PCNX2: variants seen among roughly 807,000 people sequenced by gnomAD.
The protein encoded by PCNX2 is pecanex-like protein 2.
Under a neutral mutation model 223.8 loss-of-function variants are expected in PCNX2, and 168 were observed. The ratio of observed to expected loss-of-function variants is 0.75; its 90% confidence interval spans 0.66 to 0.85. The LOEUF is 0.85. PCNX2 is among the 40% of genes least tolerant of loss of function. The pLI is 0.00. For missense variants in PCNX2, 2,507 were observed against 2,675.5 expected (o/e 0.94, Z 1.39); for synonymous variants, 1,006 against 1,052.6 (o/e 0.96, Z 0.86).
At chr1:233,171,763 A>G (rs966049778) in intron 17 of PCNX2, among the ~76,000 whole-genome samples, 11 of 152,176 alleles carry the variant, frequency 7.2e-5, no homozygotes, top group African/African-American at 2.7e-4. Flanking sequence ...TTATCTCATC[A>G]AATATTGATT....
chr1:233,254,906 T>C (rs570635712), intron 5 of PCNX2, among the ~76,000 whole-genome samples: 3 of 152,338 alleles, frequency 2.0e-5, no homozygotes, highest in South Asian at 4.1e-4. Context: ...TTCCATATTA[T>C]AGACAATTTT....
intron 15 of PCNX2, among the ~76,000 whole-genome samples, chr1:233,194,451 A>G (rs1389546989): frequency 2.0e-5 from 3 of 152,184 alleles, no homozygotes; most frequent in Non-Finnish European, 4.4e-5. Flanking sequence ...ACACAAAGAA[A>G]TGTACATTGC....
At chr1:233,289,741 T>G (rs1250465007) in intron 1 of PCNX2, among the ~76,000 whole-genome samples, 1 of 152,250 alleles carries the variant, frequency 6.6e-6, no homozygotes, top group Non-Finnish European at 1.5e-5. Flanking sequence ...AGAAAGCCTT[T>G]CTTTTGAGGA....
At chr1:233,219,821 T>C (rs1436443442) in intron 10 of PCNX2, among the ~76,000 whole-genome samples, 1 of 152,086 alleles carries the variant, frequency 6.6e-6, no homozygotes, top group Non-Finnish European at 1.5e-5. Context: ...ATAGTTTACA[T>C]CCGAGTTCAC....
At chr1:233,236,726 G>A (rs1415594632) in intron 9 of PCNX2, 119 bp downstream of exon 9, 16 of 1,421,980 alleles carry the variant, frequency 1.1e-5, no homozygotes, top group Middle Eastern at 2.6e-4. Context: ...TCAACAACCC[G>A]TGATGCAAAA....
At chr1:233,247,834 C>T (rs1407465549) in intron 8 of PCNX2, among the ~76,000 whole-genome samples, 1 of 140,794 alleles carries the variant, frequency 7.1e-6, no homozygotes, top group Non-Finnish European at 1.5e-5. Context: ...GCCAAGATTG[C>T]ATCACTGTAC....
chr1:233,059,917 AT>A (rs1429828256), intron 23 of PCNX2, among the ~76,000 whole-genome samples: 9 of 152,238 alleles, frequency 5.9e-5, no homozygotes, highest in Non-Finnish European at 8.8e-5. Flanking sequence ...ATAAAAACAG[AT>A]AAAAAGATAT....
the PCNX2 span, among the ~76,000 whole-genome samples, chr1:233,326,548 G>A: frequency 5.9e-5 from 9 of 152,124 alleles, no homozygotes; most frequent in Admixed American, 4.6e-4. Context: ...CTGAGTCATA[G>A]AGAAATAAAG....
chr1:233,149,458 G>A (rs1337786275), intron 19 of PCNX2, among the ~76,000 whole-genome samples: 1 of 141,746 alleles, frequency 7.1e-6, no homozygotes, highest in African/African-American at 3.2e-5. Flanking sequence ...ATGCATTTCA[G>A]TGGGGGTGAG....
chr1:233,198,585 G>T (rs559268820), intron 15 of PCNX2, among the ~76,000 whole-genome samples: 2 of 152,258 alleles, frequency 1.3e-5, no homozygotes, highest in South Asian at 4.1e-4. Flanking sequence ...TTAAGCAATT[G>T]TATTCCTTTA....
chr1:233,123,596 ATCT>A (rs1675932082), intron 21 of PCNX2, among the ~76,000 whole-genome samples: 1 of 147,684 alleles, frequency 6.8e-6, no homozygotes, highest in African/African-American at 2.5e-5. Flanking sequence ...AAAAAAAAAA[ATCT>A]TCTTGTAATA....
At chr1:233,110,173 A>G (rs971195595) in intron 21 of PCNX2, among the ~76,000 whole-genome samples, 2 of 152,206 alleles carry the variant, frequency 1.3e-5, no homozygotes, top group Non-Finnish European at 2.9e-5. Flanking sequence ...TAAATAAACA[A>G]ACAACAAAAA....
At chr1:233,243,367 A>G (rs1658898070) in intron 8 of PCNX2, among the ~76,000 whole-genome samples, 1 of 152,324 alleles carries the variant, frequency 6.6e-6, no homozygotes, top group Non-Finnish European at 1.5e-5. Flanking sequence ...CTTTTCCAAT[A>G]TATCTTCCAT....
intron 1 of PCNX2, among the ~76,000 whole-genome samples, chr1:233,283,746 A>C (rs910088110): frequency 2.0e-5 from 3 of 152,216 alleles, no homozygotes; most frequent in African/African-American, 2.4e-5. Context: ...GGTAGGAAGA[A>C]AATTAGAAAA....
chr1:233,089,135 G>A (rs1673747183), intron 23 of PCNX2, among the ~76,000 whole-genome samples: 1 of 152,158 alleles, frequency 6.6e-6, no homozygotes, highest in Non-Finnish European at 1.5e-5. Context: ...TGACCTCTGT[G>A]AGACATAAAA....
In PCNX2 at chr1:233,014,169, G is replaced by A. The variant is rs141410372; in HGVS notation, c.4952+496C>T. Among the ~76,000 whole-genome samples, 241 of 152,294 alleles carry A rather than the reference G, an allele frequency of 1.6e-3. 1 individual carries two copies. The highest frequency in any genetic ancestry group is 5.5e-3 in the African/African-American group (229 of 41,558). The stretch of plus-strand genomic sequence containing the variant: ...ACGTGAGCTATTTACCCACTGAGGG[G>A]AGAGACCCAGTAGAGAAAGGGTTTG... On this transcript the variant is annotated intron_variant, in intron 28 of 33. Transcript: ENST00000258229.
chr1:233,105,248 T>C (rs1182008552), intron 21 of PCNX2, among the ~76,000 whole-genome samples: 1 of 152,188 alleles, frequency 6.6e-6, no homozygotes, highest in Non-Finnish European at 1.5e-5. Flanking sequence ...GATATAGTAT[T>C]AGGAAAAGAT....
intron 28 of PCNX2, among the ~76,000 whole-genome samples, chr1:233,012,200 G>A (rs572593622): frequency 3.3e-5 from 5 of 152,282 alleles, no homozygotes; most frequent in East Asian, 1.9e-4. Context: ...TAAAAATTAT[G>A]TGTAAAATTT....
At chr1:233,029,950 T>C (rs1054234368) in intron 25 of PCNX2, among the ~76,000 whole-genome samples, 2 of 152,166 alleles carry the variant, frequency 1.3e-5, no homozygotes, top group Admixed American at 1.3e-4. Context: ...TTGGGATGTG[T>C]TGAGGGCCTG....
Sources: gnomAD v4.1 joint callset for allele counts (sites outside exome capture counted in the v4.1 genomes callset) on GRCh38, gnomAD v4.1.1 for gene constraint, MANE v1.5 for transcripts, NCBI Gene and HGNC (gene_info 2026-07-23, HGNC 2026-07-21) for gene names.